The following STRBP variants were observed in gnomAD, a reference collection of about 807,000 sequenced individuals.
STRBP encodes the protein spermatid perinuclear RNA binding protein, also known as spermatid perinuclear RNA-binding protein.
A neutral mutation model predicts 80.1 loss-of-function variants in STRBP; 13 were observed. That is an observed-to-expected ratio of 0.16 (90% confidence interval 0.11 to 0.26). The LOEUF is 0.26. Among genes scored for constraint, STRBP ranks in the 10% least tolerant of loss-of-function variants. STRBP has a pLI of 1.00. For missense variants in STRBP, 485 were observed against 815.2 expected (o/e 0.59, Z 4.93); for synonymous variants, 284 against 291.2 (o/e 0.98, Z 0.25).
At chr9:123,132,516 C>T (rs1474689142) in intron 17 of STRBP, among the ~76,000 whole-genome samples, 1 of 151,974 alleles carries the variant, frequency 6.6e-6, no homozygotes, top group South Asian at 2.1e-4. Context: ...CCTGTTATAC[C>T]CAACCTGTCA....
intron 11 of STRBP, among the ~76,000 whole-genome samples, chr9:123,155,279 TTA>T (rs2037233887): frequency 6.6e-6 from 1 of 152,054 alleles, no homozygotes; most frequent in Non-Finnish European, 1.5e-5. Context: ...TGTGAAACAG[TTA>T]TCTAGGAAAC....
At chr9:123,241,196 CA>C (rs1329958856) in intron 1 of STRBP, among the ~76,000 whole-genome samples, 1 of 135,782 alleles carries the variant, frequency 7.4e-6, no homozygotes, top group Non-Finnish European at 1.6e-5. Flanking sequence ...AAAAAAAAAA[CA>C]AAGTGATTTA....
chr9:123,227,481 T>C (rs2040271737), intron 2 of STRBP, among the ~76,000 whole-genome samples: 1 of 151,582 alleles, frequency 6.6e-6, no homozygotes, highest in Non-Finnish European at 1.5e-5. Flanking sequence ...TGGCTGTTAC[T>C]GAGTGAAACA....
chr9:123,142,686 C>A (rs1343110434), intron 13 of STRBP, among the ~76,000 whole-genome samples: 3 of 152,146 alleles, frequency 2.0e-5, no homozygotes, highest in Non-Finnish European at 4.4e-5. Flanking sequence ...CAGAATTGAG[C>A]CCAGTTCTAT....
rs751405592 is a variant in STRBP at position 123,169,992 on chromosome 9, T to C, written c.445A>G (p.Ile149Val). 3 of 1,610,560 alleles carry C rather than the reference T, an allele frequency of 1.9e-6. No homozygotes were observed. Among genetic ancestry groups the C allele is most frequent in the Non-Finnish European group, 2.5e-6 (3 of 1,178,796 alleles). ...VEQCVNEASI[I>V]IRNTKEPTLT... ...GTGGGCTCTTTTGTATTCCGAATTA[T>C]AATAGATGCCTCATTTACACATTGT... Residue 149 changes from isoleucine to valine, a missense_variant, in exon 6 of 19, where the codon ATA becomes GTA. Physicochemically the swap from Ile to Val is conservative, Grantham distance 29 (BLOSUM62 3). Around this residue, in one of 3 missense-constraint regions of STRBP, gnomAD observed 377 missense variants for 616.1 expected, o/e 0.61. Coordinates refer to ENST00000348403, the MANE Select transcript of STRBP (RefSeq NM_018387.5).
intron 4 of STRBP, among the ~76,000 whole-genome samples, chr9:123,177,623 C>T (rs770951080): frequency 6.6e-6 from 1 of 152,018 alleles, no homozygotes; most frequent in Admixed American, 6.6e-5. Context: ...AGCATATTAT[C>T]CTGTACAAGT....
chr9:123,237,786 G>T (rs1242934297), intron 1 of STRBP, among the ~76,000 whole-genome samples: 3 of 152,142 alleles, frequency 2.0e-5, no homozygotes, highest in Non-Finnish European at 4.4e-5. Flanking sequence ...CGGGAGAAAG[G>T]TGCAACTATA....
chr9:123,154,710 G>A (rs1261964488), intron 11 of STRBP, among the ~76,000 whole-genome samples: 2 of 152,212 alleles, frequency 1.3e-5, no homozygotes. Context: ...ACTAACCAGT[G>A]AATGTAGTAA....
chr9:123,125,901 A>T (rs903214060), intron 18 of STRBP, among the ~76,000 whole-genome samples: 2 of 152,248 alleles, frequency 1.3e-5, no homozygotes, highest in Non-Finnish European at 2.9e-5. Context: ...GGATGGCTAC[A>T]TCTAGGAAGC....
intron 2 of STRBP, among the ~76,000 whole-genome samples, chr9:123,210,982 T>A (rs2797459): frequency 0.021 from 3,133 of 152,278 alleles, 111 homozygotes; most frequent in African/African-American, 0.072. Context: ...GGAAAAAATG[T>A]TCAGTCTTCC....
chr9:123,163,985 T>C (rs532578493), intron 6 of STRBP, among the ~76,000 whole-genome samples: 1 of 152,260 alleles, frequency 6.6e-6, no homozygotes, highest in South Asian at 2.1e-4. Context: ...AGGCAGGAGT[T>C]GGAAGGTGAC....
At chr9:123,241,387 C>T (rs575469806) in intron 1 of STRBP, among the ~76,000 whole-genome samples, 5 of 151,476 alleles carry the variant, frequency 3.3e-5, no homozygotes, top group Admixed American at 6.6e-5. Flanking sequence ...CGCACGCCTA[C>T]GATCCCAGCT....
intron 2 of STRBP, among the ~76,000 whole-genome samples, chr9:123,204,176 C>A (rs1284389047): frequency 6.6e-6 from 1 of 152,224 alleles, no homozygotes; most frequent in Non-Finnish European, 1.5e-5. Flanking sequence ...TTTTCTCATA[C>A]AGGATCACAT....
chr9:123,257,575 G>C (rs1016674630), intron 1 of STRBP, among the ~76,000 whole-genome samples: 1 of 152,210 alleles, frequency 6.6e-6, no homozygotes, highest in African/African-American at 2.4e-5. Context: ...AGGGCTTTGG[G>C]ATACCCAGGC....
chr9:123,214,667 C>A (rs1373062768), intron 2 of STRBP, among the ~76,000 whole-genome samples: 1 of 152,156 alleles, frequency 6.6e-6, no homozygotes, highest in Admixed American at 6.5e-5. Context: ...CTTCCCTCAT[C>A]CCATCCCAAG....
At chr9:123,232,648 T>C (rs1167466873) in intron 2 of STRBP, among the ~76,000 whole-genome samples, 1 of 152,200 alleles carries the variant, frequency 6.6e-6, no homozygotes, top group Non-Finnish European at 1.5e-5. Context: ...TGAGAATTGT[T>C]AGATGTAAAA....
At chr9:123,178,428 T>C (rs912710498) in intron 4 of STRBP, among the ~76,000 whole-genome samples, 14 of 152,200 alleles carry the variant, frequency 9.2e-5, no homozygotes, top group Admixed American at 6.5e-4. Context: ...TAATCTATTA[T>C]TGTCACACTT....
In STRBP at chr9:123,125,112, A is replaced by G. The variant is rs1564210254; in HGVS notation, c.*485T>C. On this transcript the variant is annotated 3_prime_UTR_variant, in exon 19 of 19. Transcript: ENST00000348403. ...AGTTAAAGTTAAATGAAAAGTCTCT[A>G]TTGTATTAAAAAAAATAACTACAGC... The G allele has an allele frequency of 4.1e-6, 4 of 985,738 alleles. No individual in the cohort carries two copies. Among genetic ancestry groups the G allele is most frequent in the Admixed American group, 6.1e-5 (1 of 16,274 alleles). 61.1% of individuals were successfully genotyped at this position (985,738 alleles called of 1,614,324 possible).
At chr9:123,130,658 G>A (rs1161494868) in intron 17 of STRBP, among the ~76,000 whole-genome samples, 1 of 152,020 alleles carries the variant, frequency 6.6e-6, no homozygotes, top group African/African-American at 2.4e-5. Flanking sequence ...ACTGAATAAG[G>A]CTAAAATTAT....
Sources: gnomAD v4.1 joint callset for allele counts (sites outside exome capture counted in the v4.1 genomes callset) on GRCh38, gnomAD v4.1.1 for gene constraint, gnomAD v4.1.1 regional missense constraint, MANE v1.5 for transcripts, NCBI Gene and HGNC (gene_info 2026-07-23, HGNC 2026-07-21) for gene names.